ACAP2: variants seen among roughly 807,000 people sequenced by gnomAD.
ACAP2 encodes the protein arf-GAP with coiled-coil, ANK repeat and PH domain-containing protein 2.
A neutral mutation model predicts 115.8 loss-of-function variants in ACAP2; 39 were observed. The observed-to-expected ratio is 0.34, with a 90% CI of 0.26 to 0.44. The LOEUF (loss-of-function observed/expected upper bound fraction) is 0.44, where lower values mean the gene tolerates loss of function less well. Among genes scored for constraint, ACAP2 ranks in the 20% least tolerant of loss-of-function variants. ACAP2 has a pLI of 1.00. For synonymous variants in ACAP2, 289 were observed against 315.8 expected (o/e 0.92, Z 0.90); for missense variants, 662 against 927.6 (o/e 0.71, Z 3.72).
intron 1 of ACAP2, among the ~76,000 whole-genome samples, chr3:195,396,983 T>C (rs140840286): frequency 1.6e-4 from 25 of 151,592 alleles, no homozygotes; most frequent in African/African-American, 6.1e-4. Context: ...AAATTGCCAA[T>C]AGCAGGATAT....
intron 14 of ACAP2, 48 bp from the exon 15 acceptor site, chr3:195,301,692 T>C: frequency 1.3e-6 from 2 of 1,539,666 alleles, no homozygotes; most frequent in Non-Finnish European, 1.8e-6. Flanking sequence ...TCTGTTTGCG[T>C]ATTTGCGCAA....
Position 195,442,959 on chromosome 3 carries a change from A to G in ACAP2, c.-112T>C. 1 of 995,486 alleles carries G rather than the reference A, an allele frequency of 1.0e-6. No individual in the cohort carries two copies. Among genetic ancestry groups the G allele is most frequent in the Non-Finnish European group, 1.4e-6 (1 of 720,122 alleles). 61.7% of individuals were successfully genotyped at this position (995,486 alleles called of 1,614,324 possible). A position where few individuals can be genotyped will look rare whatever the true frequency, so the allele number is the denominator to read the frequency against. On this transcript the variant is annotated 5_prime_UTR_variant, in exon 1 of 23. Coordinates refer to ENST00000326793, the MANE Select transcript of ACAP2 (RefSeq NM_012287.6). The stretch of plus-strand genomic sequence containing the variant: ...CACGGCCGCGACTAGCGTTGCGCGG[A>G]GCTGCGAAGGGCGCCTCGCCCGCTG...
intron 20 of ACAP2, among the ~76,000 whole-genome samples, chr3:195,290,528 T>C (rs1206167704): frequency 2.0e-5 from 3 of 152,104 alleles, no homozygotes; most frequent in Non-Finnish European, 2.9e-5. Context: ...TAGCCAGACA[T>C]GGCCGTGCGC....
chr3:195,301,376 G>A (rs985323941), intron 15 of ACAP2, among the ~76,000 whole-genome samples, 199 bp downstream of exon 15: 8 of 152,112 alleles, frequency 5.3e-5, no homozygotes, highest in African/African-American at 1.2e-4. Context: ...GTGAGCCACC[G>A]CACCCAGCCA....
At chr3:195,370,136 A>T (rs1307359297) in intron 4 of ACAP2, among the ~76,000 whole-genome samples, 1 of 152,150 alleles carries the variant, frequency 6.6e-6, no homozygotes, top group Non-Finnish European at 1.5e-5. Context: ...AGTTCCTTAC[A>T]GATTCTGGAT....
At chr3:195,344,440 T>C (rs1021424508) in intron 5 of ACAP2, among the ~76,000 whole-genome samples, 3 of 152,032 alleles carry the variant, frequency 2.0e-5, no homozygotes, top group Admixed American at 2.0e-4. Context: ...AATATGGAAA[T>C]CTCTGATTTT....
chr3:195,363,154 T>C (rs868524486), intron 4 of ACAP2, among the ~76,000 whole-genome samples: 15 of 152,198 alleles, frequency 9.9e-5, no homozygotes, highest in Middle Eastern at 6.8e-3. Flanking sequence ...AGGCCAACAG[T>C]GAAGAATCTG....
chr3:195,418,596 T>A (rs1314991632), intron 1 of ACAP2, among the ~76,000 whole-genome samples: 1 of 152,114 alleles, frequency 6.6e-6, no homozygotes, highest in African/African-American at 2.4e-5. Flanking sequence ...CACACCCAGC[T>A]AACTTTTCAA....
At chr3:195,387,944 A>G (rs989089843) in intron 2 of ACAP2, among the ~76,000 whole-genome samples, 14 of 152,170 alleles carry the variant, frequency 9.2e-5, no homozygotes, top group African/African-American at 3.4e-4. Context: ...TTTTGGAGAG[A>G]AGAAACTGAG....
chr3:195,306,336 G>A (rs1206299116), intron 13 of ACAP2, among the ~76,000 whole-genome samples, 175 bp downstream of exon 13: 2 of 152,038 alleles, frequency 1.3e-5, no homozygotes, highest in African/African-American at 4.8e-5. Flanking sequence ...AAAATGGTAA[G>A]TGAAATAAAG....
intron 22 of ACAP2, among the ~76,000 whole-genome samples, chr3:195,283,962 C>T (rs1726676587): frequency 6.6e-6 from 1 of 151,552 alleles, no homozygotes; most frequent in African/African-American, 2.4e-5. Context: ...TATATATAAA[C>T]TCAAAAATGA....
intron 8 of ACAP2, among the ~76,000 whole-genome samples, chr3:195,330,848 T>TAA (rs10673616): frequency 0.29 from 43,730 of 151,934 alleles, 7,153 homozygotes; most frequent in East Asian, 0.71. Flanking sequence ...GAAATGTGCT[T>TAA]AGAGAGAAAA....
At chr3:195,284,069 T>G (rs1287490339) in intron 22 of ACAP2, among the ~76,000 whole-genome samples, 1 of 152,196 alleles carries the variant, frequency 6.6e-6, no homozygotes, top group African/African-American at 2.4e-5. Flanking sequence ...GCCCTTTCCT[T>G]TCAAGCTTCC....
At chr3:195,441,970 C>G (rs1172704372) in intron 1 of ACAP2, 2 of 152,294 alleles carry the variant, frequency 1.3e-5, no homozygotes, top group Non-Finnish European at 2.9e-5. Context: ...GACTGTGATC[C>G]GGGCCCTCCT....
intron 10 of ACAP2, among the ~76,000 whole-genome samples, chr3:195,310,143 ATTAAG>A (rs1447439961): frequency 4.6e-5 from 7 of 150,916 alleles, no homozygotes; most frequent in African/African-American, 1.2e-4. Flanking sequence ...ATTTTTAAAA[ATTAAG>A]TTAATTATCC....
chr3:195,404,466 A>C (rs1712570023), intron 1 of ACAP2, among the ~76,000 whole-genome samples: 1 of 152,140 alleles, frequency 6.6e-6, no homozygotes, highest in South Asian at 2.1e-4. Flanking sequence ...GCAGCACATG[A>C]GAATAAAAAT....
At chr3:195,392,051 G>T in intron 2 of ACAP2, 39 bp downstream of exon 2, 2 of 1,534,316 alleles carry the variant, frequency 1.3e-6, no homozygotes, top group Non-Finnish European at 1.8e-6. Context: ...TACAGCAAAC[G>T]AGAATCAATG....
Position 195,285,818 on chromosome 3 carries a change from T to C in ACAP2, c.2214A>G (p.Ser738=). Residue 738 remains serine, a synonymous_variant, in exon 22 of 23, where the codon TCA becomes TCG. Coordinates refer to ENST00000326793, the MANE Select transcript of ACAP2 (RefSeq NM_012287.6). ...LARMNEEMRE[S]EGLYGQPGDE... ...GACCTGGCTGTCCATAAAGTCCTTC[T>C]GATTCCCGCATCTCTTCATTCATTC... The C allele has an allele frequency of 1.9e-6, 3 of 1,612,632 alleles. No individual in the cohort carries two copies. The highest frequency in any genetic ancestry group is 2.5e-6 in the Non-Finnish European group (3 of 1,179,564).
intron 4 of ACAP2, among the ~76,000 whole-genome samples, chr3:195,351,215 T>TC (rs890868559): frequency 8.0e-5 from 12 of 150,652 alleles, no homozygotes; most frequent in African/African-American, 2.9e-4. Flanking sequence ...CCTCCCAGGT[T>TC]CAAGTGATTC....
Sources: allele counts gnomAD v4.1 joint callset (sites outside exome capture counted in the v4.1 genomes callset), GRCh38; gene constraint gnomAD v4.1.1; transcripts MANE v1.5; gene names NCBI Gene and HGNC (gene_info 2026-07-23, HGNC 2026-07-21).